TBC1D12: variants seen among roughly 807,000 people sequenced by gnomAD.
TBC1D12 encodes the protein TBC1 domain family member 12, also known as TBC1 domain family, member 12.
TBC1D12 carries 56 observed loss-of-function variants against 86.7 expected under a neutral mutation model. That is an observed-to-expected ratio of 0.65 (90% CI 0.52 to 0.81). The LOEUF (loss-of-function observed/expected upper bound fraction) is 0.81. Ranked by LOEUF, TBC1D12 falls within the 30% of genes least tolerant of loss-of-function variation. The probability of loss-of-function intolerance (pLI) is 0.00; values close to 1 mark genes in which losing one functional copy is unlikely to be tolerated. For missense variants in TBC1D12, 1,023 were observed against 1,038.8 expected, an observed-to-expected ratio of 0.98 and a Z score of 0.21; for synonymous variants, 421 against 411.7, an observed-to-expected ratio of 1.02 and a Z score of -0.27.
chr10:94,473,367 AAAAAAGAAG>A (rs2055938013), intron 2 of TBC1D12, among the ~76,000 whole-genome samples: 1 of 151,868 alleles, frequency 6.6e-6, no homozygotes, highest in Admixed American at 6.6e-5. Flanking sequence ...TCTCAAAAAA[AAAAAAGAAG>A]AAAAAGAAAA....
At chr10:94,425,849 A>C (rs937870465) in intron 1 of TBC1D12, among the ~76,000 whole-genome samples, 2 of 152,078 alleles carry the variant, frequency 1.3e-5, no homozygotes, top group Non-Finnish European at 2.9e-5. Flanking sequence ...TATTTCCTTC[A>C]TCAATGTTTT....
intron 3 of TBC1D12, among the ~76,000 whole-genome samples, chr10:94,483,114 A>G (rs1318445497): frequency 7.0e-6 from 1 of 143,602 alleles, no homozygotes; most frequent in Non-Finnish European, 1.5e-5. Flanking sequence ...ATCTTGGCTC[A>G]CTGCAGCCTC....
At chr10:94,451,991 A>G (rs1274010311) in intron 2 of TBC1D12, among the ~76,000 whole-genome samples, 1 of 151,864 alleles carries the variant, frequency 6.6e-6, no homozygotes, top group Non-Finnish European at 1.5e-5. Context: ...GGAATAAACT[A>G]TGATCAGTCA....
chr10:94,500,929 G>T (rs920179220), intron 6 of TBC1D12, among the ~76,000 whole-genome samples: 1 of 151,996 alleles, frequency 6.6e-6, no homozygotes, highest in Non-Finnish European at 1.5e-5. Flanking sequence ...GGTGACACAT[G>T]CCTGTAATCC....
At chr10:94,501,779 C>T (rs1392513947) in intron 6 of TBC1D12, among the ~76,000 whole-genome samples, 1 of 151,744 alleles carries the variant, frequency 6.6e-6, no homozygotes, top group South Asian at 2.1e-4. Context: ...AACTCCTGGC[C>T]TCAAGTGATC....
At chr10:94,494,635 C>T (rs1472092888) in intron 4 of TBC1D12, among the ~76,000 whole-genome samples, 1 of 152,034 alleles carries the variant, frequency 6.6e-6, no homozygotes, top group Non-Finnish European at 1.5e-5. Flanking sequence ...CCTCAATCTC[C>T]CAGGCTCAGG....
chr10:94,461,333 C>T lies in TBC1D12; in HGVS notation c.1096-13335C>T, dbSNP rs7906150. 5.1e-3 allele frequency among the ~76,000 whole-genome samples: 771 copies of T among 152,196 alleles called. 5 individuals carry two copies. The highest frequency in any genetic ancestry group is 0.018 in the African/African-American group (730 of 41,504). On this transcript the variant is annotated intron_variant, in intron 2 of 12. Coordinates refer to ENST00000225235, the MANE Select transcript of TBC1D12 (RefSeq NM_015188.2). ...TGTTTTTTTTCCCCCTTTGACAGGA[C>T]AGAATGGACAGAGGGAGCTGGAGTT... is the stretch of plus-strand genomic sequence containing the variant.
In TBC1D12 at chr10:94,405,962, C is replaced by T. The variant is rs538216247; in HGVS notation, c.971+2378C>T. 1.3e-4 allele frequency among the ~76,000 whole-genome samples: 20 copies of T among 152,180 alleles called. No individual in the cohort carries two copies. In the South Asian group the frequency reaches 3.5e-3, roughly 27 times the overall value. On this transcript the variant is annotated intron_variant, in intron 1 of 12. Coordinates refer to ENST00000225235, the MANE Select transcript of TBC1D12 (RefSeq NM_015188.2). ...AGTAGCTGGGATTACAGGCACCCGCCACCACGCCTGGCTAATTTTTGTATT... is the reference window on the plus strand; with the variant it reads ...AGTAGCTGGGATTACAGGCACCCGCTACCACGCCTGGCTAATTTTTGTATT...
chr10:94,465,571 G>T (rs2055793617), intron 2 of TBC1D12, among the ~76,000 whole-genome samples: 1 of 151,800 alleles, frequency 6.6e-6, no homozygotes, highest in South Asian at 2.1e-4. Context: ...GCTTGAACCT[G>T]GGAGGTGGAG....
intron 1 of TBC1D12, among the ~76,000 whole-genome samples, chr10:94,440,364 A>G (rs1453032790): frequency 6.6e-6 from 1 of 151,852 alleles, no homozygotes; most frequent in African/African-American, 2.4e-5. Context: ...TTTTGTAGAA[A>G]CAGGGTCTCA....
chr10:94,438,905 G>T (rs1427790265), intron 1 of TBC1D12, among the ~76,000 whole-genome samples: 2 of 151,956 alleles, frequency 1.3e-5, no homozygotes, highest in African/African-American at 4.8e-5. Flanking sequence ...CTGGGTTCAA[G>T]CAATTCACCT....
At chr10:94,476,970 G>C (rs993843904) in intron 3 of TBC1D12, among the ~76,000 whole-genome samples, 1 of 151,880 alleles carries the variant, frequency 6.6e-6, no homozygotes, top group Non-Finnish European at 1.5e-5. Context: ...TACCTTTCTT[G>C]TTACACACAA....
chr10:94,493,992 A>T (rs1287463101), intron 4 of TBC1D12, among the ~76,000 whole-genome samples: 1 of 151,638 alleles, frequency 6.6e-6, no homozygotes, highest in Non-Finnish European at 1.5e-5. Context: ...TTTATAATTA[A>T]TTTCTAATTA....
At chr10:94,438,538 A>G (rs1429884348) in intron 1 of TBC1D12, among the ~76,000 whole-genome samples, 3 of 152,112 alleles carry the variant, frequency 2.0e-5, no homozygotes, top group Non-Finnish European at 2.9e-5. Context: ...TTTGAAGGAC[A>G]TGATCCCTAC....
intron 2 of TBC1D12, among the ~76,000 whole-genome samples, chr10:94,454,831 A>G (rs1215836612): frequency 3.9e-5 from 6 of 152,212 alleles, no homozygotes; most frequent in Non-Finnish European, 5.9e-5. Flanking sequence ...ATCTGTAAAC[A>G]AAGACAATTT....
At chr10:94,489,856 C>T (rs2056222886) in intron 3 of TBC1D12, among the ~76,000 whole-genome samples, 1 of 152,202 alleles carries the variant, frequency 6.6e-6, no homozygotes, top group South Asian at 2.1e-4. Context: ...TATATTAGCA[C>T]TGTGTGTGGT....
intron 2 of TBC1D12, among the ~76,000 whole-genome samples, chr10:94,465,619 C>A (rs1378690982): frequency 6.7e-6 from 1 of 149,238 alleles, no homozygotes; most frequent in Non-Finnish European, 1.5e-5. Flanking sequence ...GCACTCCAGC[C>A]TGGGCGACAG....
chr10:94,427,147 G>A (rs2055157814), intron 1 of TBC1D12, among the ~76,000 whole-genome samples: 2 of 152,138 alleles, frequency 1.3e-5, no homozygotes, highest in South Asian at 4.1e-4. Context: ...GGCATAAATG[G>A]AAAGGTATTT....
chr10:94,500,389 C>T lies in TBC1D12; in HGVS notation c.1519+62C>T, dbSNP rs2056379461. On this transcript the variant is annotated intron_variant, in intron 6 of 12. Transcript: ENST00000225235. ...AATAGCCATCTACAGAGTTACATAGCAGATTAGTAGAGTGACCATTAAAAT... is the reference window on the plus strand; with the variant it reads ...AATAGCCATCTACAGAGTTACATAGTAGATTAGTAGAGTGACCATTAAAAT... 7 of 1,405,374 alleles carry T rather than the reference C, an allele frequency of 5.0e-6. No homozygotes were observed. The Admixed American group carries it at 9.8e-5, about 20-fold the overall frequency. 87.1% of individuals were successfully genotyped at this position (1,405,374 alleles called of 1,614,324 possible).
Sources: gnomAD v4.1 joint callset for allele counts (sites outside exome capture counted in the v4.1 genomes callset) on GRCh38, gnomAD v4.1.1 for gene constraint, MANE v1.5 for transcripts, NCBI Gene and HGNC (gene_info 2026-07-23, HGNC 2026-07-21) for gene names.